Variants in PDE8B observed in about 807,000 individuals in gnomAD.
PDE8B encodes the protein phosphodiesterase 8B.
PDE8B carries 26 observed loss-of-function variants against 101.3 expected under a neutral mutation model. The observed-to-expected ratio is 0.26, with a 90% CI of 0.19 to 0.36. PDE8B has a LOEUF of 0.36. Among genes scored for constraint, PDE8B ranks in the 10% least tolerant of loss-of-function variants. PDE8B has a pLI of 1.00. For synonymous variants in PDE8B, 424 were observed against 429.3 expected (o/e 0.99, Z 0.15); for missense variants, 810 against 1,163.1 (o/e 0.70, Z 4.42).
intron 20 of PDE8B, 118 bp from the exon 21 acceptor site, chr5:77,425,649 T>A (rs1797913788): frequency 9.6e-7 from 1 of 1,039,296 alleles, no homozygotes. Flanking sequence ...TGAGCCTATT[T>A]CTTCATTGAG....
At chr5:77,159,763 G>A in the PDE8B span, among the ~76,000 whole-genome samples, 1 of 152,152 alleles carries the variant, frequency 6.6e-6, no homozygotes, top group Non-Finnish European at 1.5e-5. Flanking sequence ...TGGCTAATGT[G>A]CTGCAGTTGT....
At chr5:77,229,440 A>G (rs936093332) in intron 1 of PDE8B, among the ~76,000 whole-genome samples, 2 of 152,192 alleles carry the variant, frequency 1.3e-5, no homozygotes, top group Non-Finnish European at 2.9e-5. Context: ...GAAAATGGAG[A>G]TATAATTAGA....
intron 5 of PDE8B, among the ~76,000 whole-genome samples, chr5:77,336,544 C>G (rs1434487450): frequency 6.6e-6 from 1 of 152,142 alleles, no homozygotes; most frequent in Non-Finnish European, 1.5e-5. Flanking sequence ...CATGTTGTAG[C>G]ATGTATCAGT....
intron 9 of PDE8B, 42 bp from the exon 10 acceptor site, chr5:77,353,304 A>G (rs1171641346): frequency 1.9e-6 from 2 of 1,026,032 alleles, no homozygotes; most frequent in South Asian, 2.5e-5. Flanking sequence ...TTGTTGAATC[A>G]TCTCATATCT....
chr5:77,143,286 T>C, the PDE8B span, among the ~76,000 whole-genome samples: 1 of 152,244 alleles, frequency 6.6e-6, no homozygotes. Context: ...AAACTGGCTC[T>C]TGTTTGCTAG....
chr5:77,319,914 T>C (rs1441448695), intron 2 of PDE8B, among the ~76,000 whole-genome samples: 1 of 152,242 alleles, frequency 6.6e-6, no homozygotes, highest in Non-Finnish European at 1.5e-5. Flanking sequence ...CAAACTACTC[T>C]TGATAAATTT....
At chr5:77,092,115 G>A in the PDE8B span, among the ~76,000 whole-genome samples, 7 of 152,078 alleles carry the variant, frequency 4.6e-5, no homozygotes, top group Admixed American at 4.6e-4. Flanking sequence ...AGTAGGATTT[G>A]GATTCCTGGC....
the PDE8B span, among the ~76,000 whole-genome samples, chr5:77,153,268 A>T: frequency 2.5e-4 from 38 of 152,326 alleles, no homozygotes; most frequent in African/African-American, 7.0e-4. Context: ...TTTATAATTT[A>T]AAAAAAGGGT....
chr5:77,239,202 G>A (rs141840645), intron 1 of PDE8B, among the ~76,000 whole-genome samples: 2 of 152,260 alleles, frequency 1.3e-5, no homozygotes, highest in East Asian at 1.9e-4. Context: ...TGATATTTCC[G>A]TTTTAGCAGG....
chr5:77,179,200 G>A, the PDE8B span, among the ~76,000 whole-genome samples: 1 of 152,256 alleles, frequency 6.6e-6, no homozygotes, highest in East Asian at 1.9e-4. Context: ...CTGCATTCAT[G>A]CCTTTTTGTA....
intron 1 of PDE8B, among the ~76,000 whole-genome samples, chr5:77,262,184 G>A (rs188221069): frequency 6.7e-6 from 1 of 149,924 alleles, no homozygotes; most frequent in African/African-American, 2.5e-5. Context: ...ACTAGTGAGT[G>A]TGCCTGGTAA....
At chr5:77,215,178 C>T (rs749906908) in intron 1 of PDE8B, among the ~76,000 whole-genome samples, 4 of 151,994 alleles carry the variant, frequency 2.6e-5, no homozygotes, top group Non-Finnish European at 4.4e-5. Flanking sequence ...TTAAGTTTTC[C>T]CCAGGATCCT....
chr5:77,303,569 A>AAAAT (rs57327578), intron 1 of PDE8B, among the ~76,000 whole-genome samples: 3,861 of 148,724 alleles, frequency 0.026, 65 homozygotes, highest in Non-Finnish European at 0.031. Flanking sequence ...ACTCCATCTC[A>AAAAT]AAATAAATAA....
rs1215402963 is a variant in PDE8B at position 77,211,452 on chromosome 5, C to G, written c.339+188C>G. On this transcript the variant is annotated intron_variant, in intron 1 of 21. Coordinates refer to ENST00000264917, the MANE Select transcript of PDE8B (RefSeq NM_003719.5). This position sits in a 1 kb window ranked among gnomAD's most constrained non-coding sequence, Gnocchi z 4.1. ...CCCAGGAAATGTGGTCAGAAAAAGG[C>G]CCCTGGAGGGGTCCTGGAAGCGTCC... 6.6e-6 allele frequency among the ~76,000 whole-genome samples: 1 copy of G among 152,208 alleles called. No individual in the cohort carries two copies. The highest frequency in any genetic ancestry group is 6.5e-5 in the Admixed American group (1 of 15,290).
At chr5:77,094,253 A>G in the PDE8B span, among the ~76,000 whole-genome samples, 1 of 152,212 alleles carries the variant, frequency 6.6e-6, no homozygotes, top group East Asian at 1.9e-4. Context: ...GCATCCTGGG[A>G]ATTTAGCCAT....
chr5:77,098,322 C>A, the PDE8B span, among the ~76,000 whole-genome samples: 1 of 151,424 alleles, frequency 6.6e-6, no homozygotes, highest in Non-Finnish European at 1.5e-5. Context: ...CTTGTTCTGT[C>A]ACCCAGACTG....
At chr5:77,397,752 C>T (rs1246262105) in intron 10 of PDE8B, among the ~76,000 whole-genome samples, 2 of 152,164 alleles carry the variant, frequency 1.3e-5, no homozygotes, top group Non-Finnish European at 2.9e-5. Context: ...CAATTCTTAT[C>T]CAAACATGCC....
intron 10 of PDE8B, among the ~76,000 whole-genome samples, chr5:77,355,523 G>A (rs1000781373): frequency 2.6e-5 from 4 of 152,184 alleles, no homozygotes; most frequent in Admixed American, 2.6e-4. Context: ...TTTTAACAAG[G>A]TGTGACGTGG....
the PDE8B span, among the ~76,000 whole-genome samples, chr5:77,155,725 CTTGCCGATGATGGTA>C: frequency 6.6e-6 from 1 of 152,182 alleles, no homozygotes; most frequent in Admixed American, 6.6e-5. Context: ...GGTTGCCTAA[CTTGCCGATGATGGTA>C]TAGCAATAAA....
Sources: allele counts gnomAD v4.1 joint callset (sites outside exome capture counted in the v4.1 genomes callset), GRCh38; gene constraint gnomAD v4.1.1; non-coding constraint Gnocchi (gnomAD v3.1); transcripts MANE v1.5; gene names NCBI Gene and HGNC (gene_info 2026-07-23, HGNC 2026-07-21).